MYCBP2: variants seen among roughly 807,000 people sequenced by gnomAD.
MYCBP2 encodes E3 ubiquitin-protein ligase MYCBP2.
A neutral mutation model predicts 525.3 loss-of-function variants in MYCBP2; 120 were observed. The observed-to-expected ratio is 0.23, with a 90% CI of 0.20 to 0.27. The LOEUF (loss-of-function observed/expected upper bound fraction) is 0.27. Ranked by LOEUF, MYCBP2 falls within the 10% of genes least tolerant of loss-of-function variation. The pLI is 1.00. For synonymous variants in MYCBP2, 1,894 were observed against 1,955.8 expected (o/e 0.97, Z 0.83); for missense variants, 4,149 against 5,657.1 (o/e 0.73, Z 8.55).
intron 55 of MYCBP2, among the ~76,000 whole-genome samples, chr13:77,107,761 T>TA (rs1288821626): frequency 1.3e-5 from 2 of 151,680 alleles, no homozygotes; most frequent in African/African-American, 4.8e-5. Context: ...TACATAAAAT[T>TA]AAAAAAATAA....
intron 55 of MYCBP2, chr13:77,118,536 A>G (rs752084814): frequency 1.3e-6 from 1 of 761,580 alleles, no homozygotes; most frequent in East Asian, 2.4e-5. Flanking sequence ...CTCGTTATTC[A>G]TTAACATCCA....
At chr13:77,286,789 A>AATACATAT (rs2076860814) in intron 3 of MYCBP2, among the ~76,000 whole-genome samples, 1 of 42,290 alleles carries the variant, frequency 2.4e-5, no homozygotes, top group South Asian at 1.0e-3. Flanking sequence ...AAAAAAAAAA[A>AATACATAT]ATATATATAT....
At chr13:77,244,709 A>C (rs921731956) in intron 15 of MYCBP2, among the ~76,000 whole-genome samples, 3 of 152,210 alleles carry the variant, frequency 2.0e-5, no homozygotes, top group Admixed American at 1.3e-4. Flanking sequence ...AAAAGAAAGT[A>C]TCATCAGAGT....
At chr13:77,101,537 A>C (rs2047064648) in intron 55 of MYCBP2, among the ~76,000 whole-genome samples, 1 of 152,064 alleles carries the variant, frequency 6.6e-6, no homozygotes, top group Non-Finnish European at 1.5e-5. Context: ...TGTGAGCAAA[A>C]AAGTTTATTA....
intron 18 of MYCBP2, among the ~76,000 whole-genome samples, chr13:77,227,415 C>T (rs1238743620): frequency 2.0e-5 from 3 of 150,168 alleles, no homozygotes; most frequent in Non-Finnish European, 4.4e-5. Context: ...AGTTCAAAGC[C>T]TCCTCATGTT....
At chr13:77,291,104 CACAGA>C (rs1326609346) in intron 2 of MYCBP2, among the ~76,000 whole-genome samples, 4 of 151,942 alleles carry the variant, frequency 2.6e-5, no homozygotes, top group African/African-American at 9.7e-5. Flanking sequence ...AAAAGCAAGC[CACAGA>C]ACAGGAGAAA....
chr13:77,129,388 C>CAA (rs2052320910), intron 52 of MYCBP2: 1 of 379,730 alleles, frequency 2.6e-6, no homozygotes. Context: ...TCTGAGTAAA[C>CAA]AACACACCGA....
chr13:77,104,751 CA>C (rs2047600120), intron 55 of MYCBP2, among the ~76,000 whole-genome samples: 1 of 152,032 alleles, frequency 6.6e-6, no homozygotes, highest in African/African-American at 2.4e-5. Context: ...TTTGGCAACA[CA>C]AAAGTCACAG....
chr13:77,145,927 CA>C lies in MYCBP2; in HGVS notation c.7187+234del, dbSNP rs1248075727. Among the ~76,000 whole-genome samples, 6 of 151,882 alleles carry C rather than the reference CA, an allele frequency of 4.0e-5. 1 individual carries two copies. The highest frequency in any genetic ancestry group is 3.9e-4 in the Admixed American group (6 of 15,200). ...TTTTACATACTAGATATCTACTTTA[CA>C]TACCTATTTTCACTAGTAGGTAGTA... On this transcript the variant is annotated intron_variant, in intron 48 of 82. Transcript: ENST00000544440.
At chr13:77,266,724 G>C (rs1405808824) in intron 8 of MYCBP2, among the ~76,000 whole-genome samples, 3 of 101,720 alleles carry the variant, frequency 2.9e-5, no homozygotes, top group Non-Finnish European at 5.5e-5. Context: ...TATGACCAAA[G>C]ACATGGTCCA....
intron 70 of MYCBP2, among the ~76,000 whole-genome samples, chr13:77,068,076 A>T (rs2040495611): frequency 6.6e-6 from 1 of 152,152 alleles, no homozygotes. Flanking sequence ...TACAGGCATA[A>T]GTCACTGTAC....
In MYCBP2 at chr13:77,172,794, C is replaced by T. The variant is rs527905895; in HGVS notation, c.5652-1160G>A. On this transcript the variant is annotated intron_variant, in intron 37 of 82. Coordinates refer to ENST00000544440, the MANE Select transcript of MYCBP2 (RefSeq NM_015057.5). ...TCAGATGTCTACTAGCCAACTATAA[C>T]GAACATCCTTAAAGAGAAAGTGCAG... 7.9e-5 allele frequency among the ~76,000 whole-genome samples: 12 copies of T among 152,302 alleles called. No individual in the cohort carries two copies. The South Asian group carries it at 1.0e-3, about 13-fold the overall frequency.
In MYCBP2 at chr13:77,181,982, T is replaced by C; in HGVS notation, c.4720-60A>G. On this transcript the variant is annotated intron_variant, in intron 32 of 82. Coordinates refer to ENST00000544440, the MANE Select transcript of MYCBP2 (RefSeq NM_015057.5). Reference sequence around the variant, plus strand: ...AAATATAGCATCAGTATAATCTAAGTTTCTGAATACATAAAAGGTAAACCA... The same window carrying C: ...AAATATAGCATCAGTATAATCTAAGCTTCTGAATACATAAAAGGTAAACCA... The C allele has an allele frequency of 3.1e-6, 4 of 1,299,796 alleles. No individual in the cohort carries two copies. In the South Asian group the frequency reaches 5.1e-5, roughly 17 times the overall value. 80.5% of individuals were successfully genotyped at this position (1,299,796 alleles called of 1,614,324 possible).
At chr13:77,114,220 C>T (rs1213543742) in intron 55 of MYCBP2, among the ~76,000 whole-genome samples, 1 of 151,984 alleles carries the variant, frequency 6.6e-6, no homozygotes, top group African/African-American at 2.4e-5. Context: ...CTCATTTGTC[C>T]CTTTCTAAAT....
At chr13:77,099,653 A>G (rs977811443) in intron 55 of MYCBP2, 2 of 152,388 alleles carry the variant, frequency 1.3e-5, no homozygotes, top group African/African-American at 4.8e-5. Flanking sequence ...TTACACTCCA[A>G]AAGTTCAGGA....
chr13:77,180,460 G>A, intron 33 of MYCBP2, 142 bp from the exon 34 acceptor site: 1 of 676,992 alleles, frequency 1.5e-6, no homozygotes, highest in Middle Eastern at 4.1e-4. Flanking sequence ...CTGGTTATAT[G>A]TGGAGCCACT....
At chr13:77,173,872 A>C (rs1355532112) in intron 37 of MYCBP2, among the ~76,000 whole-genome samples, 2 of 152,224 alleles carry the variant, frequency 1.3e-5, no homozygotes, top group African/African-American at 4.8e-5. Context: ...CTAGGGCCCC[A>C]GGGGGCAGGT....
At chr13:77,259,259 C>A (rs1156759808) in intron 13 of MYCBP2, among the ~76,000 whole-genome samples, 8 of 151,366 alleles carry the variant, frequency 5.3e-5, no homozygotes, top group Non-Finnish European at 1.0e-4. Flanking sequence ...AGTGAGACTC[C>A]CTCTCAAAAA....
At chr13:77,212,982 T>A (rs1400989020) in intron 21 of MYCBP2, among the ~76,000 whole-genome samples, 1 of 152,082 alleles carries the variant, frequency 6.6e-6, no homozygotes, top group Non-Finnish European at 1.5e-5. Context: ...CACGTTCTCA[T>A]CCAACCACCA....
Sources: allele counts gnomAD v4.1 joint callset (sites outside exome capture counted in the v4.1 genomes callset), GRCh38; gene constraint gnomAD v4.1.1; transcripts MANE v1.5; gene names NCBI Gene and HGNC (gene_info 2026-07-23, HGNC 2026-07-21).